Variants in SUPT3H observed in about 807,000 individuals in gnomAD.
SUPT3H encodes the protein SPT3 homolog, SAGA and STAGA complex component, also known as transcription initiation protein SPT3 homolog.
Under a neutral mutation model 44.3 loss-of-function variants are expected in SUPT3H, and 44 were observed. That is an observed-to-expected ratio of 0.99 (90% confidence interval 0.78 to 1.28). The LOEUF is 1.28. Among genes scored for constraint, SUPT3H ranks in the 50% most tolerant of loss-of-function variants. The pLI, the probability that SUPT3H is intolerant of heterozygous loss-of-function variation, is 0.00. For missense variants in SUPT3H, 380 were observed against 387.1 expected (o/e 0.98, Z 0.15); for synonymous variants, 124 against 125.6 (o/e 0.99, Z 0.09).
chr6:45,278,534 T>C (rs1777406695), intron 2 of SUPT3H, among the ~76,000 whole-genome samples: 1 of 152,182 alleles, frequency 6.6e-6, no homozygotes, highest in Non-Finnish European at 1.5e-5. Context: ...AAATGGCAAA[T>C]GACTTCATCT....
chr6:45,235,996 T>G (rs1212010421), intron 2 of SUPT3H, among the ~76,000 whole-genome samples: 1 of 152,174 alleles, frequency 6.6e-6, no homozygotes, highest in East Asian at 1.9e-4. Flanking sequence ...CCCATCCCTT[T>G]GTTTTGGCCC....
chr6:44,911,564 T>C (rs1287750666), intron 10 of SUPT3H, among the ~76,000 whole-genome samples: 1 of 152,236 alleles, frequency 6.6e-6, no homozygotes, highest in African/African-American at 2.4e-5. Context: ...TTTAAATTTT[T>C]AAAATAAAGC....
Position 44,993,354 on chromosome 6 carries a change from A to G in SUPT3H, c.504+10299T>C, listed in dbSNP as rs181585423. Among the ~76,000 whole-genome samples, 327 of 152,134 alleles carry G rather than the reference A, an allele frequency of 2.1e-3. 1 individual carries two copies. Among genetic ancestry groups the G allele is most frequent in the African/African-American group, 7.5e-3 (313 of 41,550 alleles). ...CTTCAAATTGGATATAGTAAGCTAC[A>G]GAAAAATAGGGATCTAGGTAAGAGT... On this transcript the variant is annotated intron_variant, in intron 6 of 10. Coordinates refer to ENST00000371459, the MANE Select transcript of SUPT3H (RefSeq NM_003599.4).
intron 2 of SUPT3H, among the ~76,000 whole-genome samples, chr6:45,296,428 G>C (rs1781236591): frequency 6.6e-6 from 1 of 151,968 alleles, no homozygotes; most frequent in South Asian, 2.1e-4. Flanking sequence ...AGGGTGGGAA[G>C]GGGGTTAGGG....
chr6:45,201,824 A>G (rs2153626307), intron 2 of SUPT3H, among the ~76,000 whole-genome samples: 1 of 151,996 alleles, frequency 6.6e-6, no homozygotes, highest in East Asian at 1.9e-4. Context: ...CAACTAAAAC[A>G]TGTGTGTTCT....
At chr6:45,024,575 T>C (rs947238286) in intron 3 of SUPT3H, among the ~76,000 whole-genome samples, 14 of 152,206 alleles carry the variant, frequency 9.2e-5, no homozygotes, top group African/African-American at 3.4e-4. Context: ...ATTTATTGTT[T>C]TTCTCTCATA....
chr6:45,148,740 T>C (rs955177483), intron 2 of SUPT3H, among the ~76,000 whole-genome samples: 1 of 152,174 alleles, frequency 6.6e-6, no homozygotes, highest in African/African-American at 2.4e-5. Context: ...GCCAAATATA[T>C]TGCAGTATTT....
intron 10 of SUPT3H, among the ~76,000 whole-genome samples, chr6:44,906,529 C>T (rs867833972): frequency 1.5e-4 from 23 of 152,218 alleles, no homozygotes; most frequent in Admixed American, 2.6e-4. Context: ...TTTGGGAGGC[C>T]GAGTTGGGCG....
At chr6:44,951,630 A>C (rs1418260123) in intron 9 of SUPT3H, among the ~76,000 whole-genome samples, 1 of 152,168 alleles carries the variant, frequency 6.6e-6, no homozygotes, top group African/African-American at 2.4e-5. Flanking sequence ...AGAGCCCAGG[A>C]AATCCAGCAC....
chr6:44,928,882 C>CAAAAAAAAAAAA (rs35656937), intron 10 of SUPT3H, among the ~76,000 whole-genome samples: 3 of 20,642 alleles, frequency 1.5e-4, no homozygotes, highest in African/African-American at 6.3e-4. Flanking sequence ...GACTCCGTCT[C>CAAAAAAAAAAAA]AAAAAAAAAA....
chr6:45,007,574 A>C (rs1168717289), intron 5 of SUPT3H, among the ~76,000 whole-genome samples: 1 of 152,138 alleles, frequency 6.6e-6, no homozygotes, highest in Non-Finnish European at 1.5e-5. Flanking sequence ...TTAACTCTAG[A>C]AAATCTCTTT....
chr6:45,199,242 TAA>T (rs1816593079), intron 2 of SUPT3H, among the ~76,000 whole-genome samples: 1 of 151,236 alleles, frequency 6.6e-6, no homozygotes, highest in Non-Finnish European at 1.5e-5. Flanking sequence ...TATAAAGATT[TAA>T]GTCTATTTTT....
chr6:45,280,950 A>C (rs1415823579), intron 2 of SUPT3H, among the ~76,000 whole-genome samples: 2 of 152,254 alleles, frequency 1.3e-5, no homozygotes, highest in Non-Finnish European at 2.9e-5. Context: ...ACAATTAAAA[A>C]TAGCTAACAA....
At chr6:45,131,938 G>C (rs1392801577) in intron 2 of SUPT3H, among the ~76,000 whole-genome samples, 1 of 152,088 alleles carries the variant, frequency 6.6e-6, no homozygotes, top group African/African-American at 2.4e-5. Flanking sequence ...GGGTAGTACG[G>C]AATCCTAAAC....
intron 9 of SUPT3H, among the ~76,000 whole-genome samples, chr6:44,946,464 G>A (rs564765102): frequency 2.6e-5 from 4 of 152,276 alleles, no homozygotes; most frequent in African/African-American, 7.2e-5. Context: ...TGTGATTCAC[G>A]TGAAGAGGTC....
chr6:45,142,669 G>A (rs1805407355), intron 2 of SUPT3H, among the ~76,000 whole-genome samples: 2 of 139,568 alleles, frequency 1.4e-5, no homozygotes, highest in South Asian at 2.3e-4. Flanking sequence ...CTGGGAGGCG[G>A]AAGTTGCAGT....
intron 2 of SUPT3H, among the ~76,000 whole-genome samples, chr6:45,220,080 T>C (rs1169041665): frequency 2.0e-5 from 3 of 147,552 alleles, no homozygotes; most frequent in African/African-American, 7.5e-5. Context: ...TTACACCCAT[T>C]TTCACAATCT....
intron 6 of SUPT3H, among the ~76,000 whole-genome samples, chr6:44,984,134 T>C (rs139441569): frequency 6.6e-4 from 100 of 152,234 alleles, no homozygotes; most frequent in African/African-American, 2.2e-3. Flanking sequence ...AGCCTCTATG[T>C]GAGAGAGGTG....
chr6:44,928,283 G>A (rs1219435861), intron 10 of SUPT3H, among the ~76,000 whole-genome samples: 1 of 152,132 alleles, frequency 6.6e-6, no homozygotes, highest in East Asian at 1.9e-4. Flanking sequence ...GGTTGCAAAA[G>A]CACTCTAGAA....
Sources: gnomAD v4.1 joint callset for allele counts (sites outside exome capture counted in the v4.1 genomes callset) on GRCh38, gnomAD v4.1.1 for gene constraint, MANE v1.5 for transcripts, NCBI Gene and HGNC (gene_info 2026-07-23, HGNC 2026-07-21) for gene names.